TLE5: variants seen among roughly 807,000 people sequenced by gnomAD.
TLE5 encodes the protein TLE family member 5.
TLE5 carries 7 observed loss-of-function variants against 25.8 expected under a neutral mutation model. That is an observed-to-expected ratio of 0.27 (90% CI 0.15 to 0.51). The LOEUF is 0.51. Ranked by LOEUF, TLE5 falls within the 20% of genes least tolerant of loss-of-function variation. The probability of loss-of-function intolerance (pLI) is 0.97; values close to 1 mark genes in which losing one functional copy is unlikely to be tolerated. For missense variants in TLE5, 149 were observed against 250.7 expected, an observed-to-expected ratio of 0.59 and a Z score of 2.74; for synonymous variants, 132 against 110.5, an observed-to-expected ratio of 1.20 and a Z score of -1.22.
intron 2 of TLE5, among the ~76,000 whole-genome samples, chr19:3,058,809 C>A (rs1225162786): frequency 6.6e-6 from 1 of 152,162 alleles, no homozygotes; most frequent in African/African-American, 2.4e-5. Flanking sequence ...CTACTTAAAT[C>A]CAACCCAGCA....
At chr19:3,058,609 C>T (rs1427558589) in intron 2 of TLE5, among the ~76,000 whole-genome samples, 1 of 152,198 alleles carries the variant, frequency 6.6e-6, no homozygotes, top group East Asian at 1.9e-4. Flanking sequence ...CACCATTTCT[C>T]CCACTCCACC....
chr19:3,054,304 T>A, intron 5 of TLE5, 110 bp from the exon 6 acceptor site: 1 of 1,012,992 alleles, frequency 9.9e-7, no homozygotes, highest in Non-Finnish European at 1.5e-6. Context: ...TGGGCCATCA[T>A]GTCTGCTCCT....
rs369913514 is a variant in TLE5 at position 3,053,810 on chromosome 19, G to A, written c.*9C>T. 9.7e-5 allele frequency: 152 copies of A among 1,569,026 alleles called. No individual in the cohort carries two copies. Among genetic ancestry groups the A allele is most frequent in the Middle Eastern group, 3.4e-4 (2 of 5,956 alleles). ...TCCCCCCTCCCAACCTCCCTGTCCC[G>A]GCCCCCTGCTAATCCGACTTCTCGC... On this transcript the variant is annotated 3_prime_UTR_variant, in exon 7 of 7. Coordinates refer to ENST00000327141, the MANE Select transcript of TLE5 (RefSeq NM_001130.6).
intron 4 of TLE5, 161 bp from the exon 5 acceptor site, chr19:3,055,887 G>A (rs146988267): frequency 4.8e-5 from 33 of 686,110 alleles, no homozygotes; most frequent in Non-Finnish European, 7.6e-5. Flanking sequence ...GTTCGGGCCC[G>A]AGGGCAGCCA....
Position 3,053,894 on chromosome 19 carries a change from G to C in TLE5, c.519C>G (p.Ala173=), listed in dbSNP as rs768452306. The change falls in exon 7 of 7, where the codon GCC becomes GCG. Residue 173 remains alanine, a synonymous_variant. Transcript: ENST00000327141. Reference sequence around the variant, plus strand: ...CGTTCTTGTCTTCCTTGGAGAGGTGGGCCTGGGAACCCAGCGCGGACAGCG... The same window carrying C: ...CGTTCTTGTCTTCCTTGGAGAGGTGCGCCTGGGAACCCAGCGCGGACAGCG... The part of the protein sequence containing the change: ...LLSLSALGSQ[A]HLSKEDKNGH... 2 of 1,613,116 alleles carry C rather than the reference G, an allele frequency of 1.2e-6. No individual in the cohort carries two copies. The highest frequency in any genetic ancestry group is 2.7e-5 in the African/African-American group (2 of 74,928).
Position 3,053,750 on chromosome 19 carries a change from C to T in TLE5, c.*69G>A. ...GAGCTCCGCTGTGTCTTGTGCTAAA[C>T]ATTCCTTTCTCTCCGTGCCTCTGTC... is the stretch of plus-strand genomic sequence containing the variant. On this transcript the variant is annotated 3_prime_UTR_variant, in exon 7 of 7. Coordinates refer to ENST00000327141, the MANE Select transcript of TLE5 (RefSeq NM_001130.6). The T allele has an allele frequency of 1.3e-6, 2 of 1,517,354 alleles. No individual in the cohort carries two copies. Among genetic ancestry groups the T allele is most frequent in the Non-Finnish European group, 9.0e-7 (1 of 1,112,754 alleles). The allele number at this position is 1,517,354 out of a possible 1,614,324, so 94.0% of individuals were successfully genotyped here.
chr19:3,060,120 G>A (rs994140614), intron 2 of TLE5, among the ~76,000 whole-genome samples: 4 of 152,004 alleles, frequency 2.6e-5, no homozygotes, highest in Non-Finnish European at 4.4e-5. Flanking sequence ...AGGGCCCCAA[G>A]GCCAAACGGG....
rs2090278837 is a variant in TLE5 at position 3,062,345 on chromosome 19, G to C, written c.-145C>G. On this transcript the variant is annotated 5_prime_UTR_variant, in exon 1 of 7. Coordinates refer to ENST00000327141, the MANE Select transcript of TLE5 (RefSeq NM_001130.6). Reference sequence around the variant, plus strand: ...CCGCCTCCCGCGCCCGGCCTCGCCCGCTTCCTGCGCCCCCTCCCCGCGCGC... The same window carrying C: ...CCGCCTCCCGCGCCCGGCCTCGCCCCCTTCCTGCGCCCCCTCCCCGCGCGC... The C allele has an allele frequency of 1.0e-6, 1 of 974,782 alleles. No individual in the cohort carries two copies. Among genetic ancestry groups the C allele is most frequent in the African/African-American group, 1.8e-5 (1 of 55,676 alleles). 60.4% of individuals were successfully genotyped at this position (974,782 alleles called of 1,614,324 possible).
Position 3,056,352 on chromosome 19 carries a change from T to C in TLE5, c.194A>G (p.Tyr65Cys), listed in dbSNP as rs1254896851. 1 of 1,269,912 alleles carries C rather than the reference T, an allele frequency of 7.9e-7. No individual in the cohort carries two copies. The highest frequency in any genetic ancestry group is 1.0e-6 in the Non-Finnish European group (1 of 976,950). The allele number at this position is 1,269,912 out of a possible 1,614,324, so 78.7% of individuals were successfully genotyped here. ...GATGTTCAAGCCGTAGGACATCTCG[T>C]AGTACTGTATGGGGGAGAGAGAGGG... Reference protein sequence around the residue: ...SEMQRHYVMYYEMSYGLNIEM... With the variant: ...SEMQRHYVMYCEMSYGLNIEM... The change falls in exon 4 of 7, where the codon TAC becomes TGC. Residue 65 changes from tyrosine (Y) to cysteine (C), a missense_variant. Transcript: ENST00000327141.
chr19:3,061,850 C>G (rs917218428), intron 1 of TLE5, among the ~76,000 whole-genome samples: 61 of 141,814 alleles, frequency 4.3e-4, no homozygotes, highest in Non-Finnish European at 8.0e-4. Context: ...AGGCCCGAGG[C>G]CAAGGCCGTC....
chr19:3,054,098 C>T lies in TLE5; in HGVS notation c.372+22G>A, dbSNP rs576030648. The T allele has an allele frequency of 7.4e-6, 11 of 1,493,962 alleles. 1 individual carries two copies. The highest frequency in any genetic ancestry group is 2.4e-4 in the Middle Eastern group (1 of 4,246). The allele number at this position is 1,493,962 out of a possible 1,614,324, so 92.5% of individuals were successfully genotyped here. On this transcript the variant is annotated intron_variant, in intron 6 of 6. Transcript: ENST00000327141. ...TGGGGCCCACCTGTCCCCCGCCCAC[C>T]CGCCCAGGTCCCCATACATACTCGG...
chr19:3,054,452 A>G, intron 5 of TLE5: 1 of 578,658 alleles, frequency 1.7e-6, no homozygotes, highest in South Asian at 2.1e-5. Context: ...TGTGCTAAGT[A>G]GTTAGGAAAC....
chr19:3,062,920 T>G, upstream of TLE5: 2 of 1,043,064 alleles, frequency 1.9e-6, no homozygotes, highest in Non-Finnish European at 2.9e-6. Flanking sequence ...GCCATTCTTG[T>G]GACACATTTA....
intron 2 of TLE5, among the ~76,000 whole-genome samples, chr19:3,058,976 C>T (rs1459892717): frequency 1.3e-5 from 2 of 152,142 alleles, no homozygotes; most frequent in Admixed American, 6.6e-5. Context: ...TGTGAGGTAC[C>T]ACTAACAACC....
Position 3,062,131 on chromosome 19 carries a change from C to T in TLE5, c.27+43G>A, listed in dbSNP as rs540016596. ...GAGCCGGGGGTCGGGGGCGTAGGGC[C>T]CGGATCCGGGGTGGGGGCGCCGGCC... On this transcript the variant is annotated intron_variant, in intron 1 of 6. Coordinates refer to ENST00000327141, the MANE Select transcript of TLE5 (RefSeq NM_001130.6). The T allele has an allele frequency of 3.8e-3, 4,026 of 1,048,306 alleles. 161 individuals are homozygous for T. In the African/African-American group the frequency reaches 0.065, roughly 17 times the overall value. 64.9% of individuals were successfully genotyped at this position (1,048,306 alleles called of 1,614,324 possible). A position where few individuals can be genotyped will look rare whatever the true frequency, so the allele number is the denominator to read the frequency against.
Position 3,054,207 on chromosome 19 carries a change from CG to C in TLE5, c.298-14del, listed in dbSNP as rs752575222. On this transcript the variant is annotated splice_polypyrimidine_tract_variant and intron_variant, in intron 5 of 6. Transcript: ENST00000327141. ...CCTGCTGCTGGTGCTGGAAGGGGGT[CG>C]GGGGAGAGGAGAGGCAGTGATTCCT... 1 of 1,601,420 alleles carries C rather than the reference CG, an allele frequency of 6.2e-7. No homozygotes were observed. The highest frequency in any genetic ancestry group is 8.5e-7 in the Non-Finnish European group (1 of 1,177,088).
intron 2 of TLE5, among the ~76,000 whole-genome samples, chr19:3,058,224 A>G (rs1020988812): frequency 7.9e-5 from 12 of 152,128 alleles, no homozygotes; most frequent in Non-Finnish European, 1.6e-4. Context: ...TAGGAACAAC[A>G]GAAGTTAGAG....
intron 2 of TLE5, among the ~76,000 whole-genome samples, chr19:3,059,338 A>G (rs560567198): frequency 1.1e-4 from 16 of 152,300 alleles, no homozygotes; most frequent in East Asian, 9.7e-4. Context: ...CCTGGCCAAC[A>G]TAACGAAAGC....
Position 3,055,697 on chromosome 19 carries a change from A to G in TLE5, c.264T>C (p.Ile88=). ...QAEIVKRLNG[I]CAQVLPYLSQ... ...AGAGGTAGGGCAGGACCTGGGCACA[A>G]ATCCCGTTCAGCCTTTTGACGATCT... is the stretch of plus-strand genomic sequence containing the variant. The change falls in exon 5 of 7, where the codon ATT becomes ATC. Residue 88 remains isoleucine, a synonymous_variant. Coordinates refer to ENST00000327141, the MANE Select transcript of TLE5 (RefSeq NM_001130.6). The G allele has an allele frequency of 6.2e-7, 1 of 1,608,568 alleles. No homozygotes were observed. Among genetic ancestry groups the G allele is most frequent in the South Asian group, 1.1e-5 (1 of 90,372 alleles).
Sources: gnomAD v4.1 joint callset for allele counts (sites outside exome capture counted in the v4.1 genomes callset) on GRCh38, gnomAD v4.1.1 for gene constraint, MANE v1.5 for transcripts, NCBI Gene and HGNC (gene_info 2026-07-23, HGNC 2026-07-21) for gene names.